Variants in OTUD7A observed in about 807,000 individuals in gnomAD.
The protein encoded by OTUD7A is OTU deubiquitinase 7A, also known as OTU domain-containing protein 7A.
Under a neutral mutation model 65.7 loss-of-function variants are expected in OTUD7A, and 12 were observed. The observed-to-expected ratio is 0.18, with a 90% CI of 0.12 to 0.30. The LOEUF is 0.30. OTUD7A is among the 10% of genes least tolerant of loss of function. The probability of loss-of-function intolerance (pLI) is 1.00; values close to 1 mark genes in which losing one functional copy is unlikely to be tolerated. For missense variants in OTUD7A, 1,148 were observed against 1,304.8 expected (o/e 0.88, Z 1.85); for synonymous variants, 641 against 586.3 (o/e 1.09, Z -1.35).
intron 3 of OTUD7A, among the ~76,000 whole-genome samples, chr15:31,598,373 G>A (rs1265865741): frequency 1.3e-5 from 2 of 152,120 alleles, no homozygotes; most frequent in African/African-American, 4.8e-5. Context: ...AGGGCAGGGC[G>A]TCGCCTCACC....
chr15:31,631,588 A>G (rs923595919), intron 3 of OTUD7A, among the ~76,000 whole-genome samples: 3 of 151,972 alleles, frequency 2.0e-5, no homozygotes, highest in Non-Finnish European at 4.4e-5. Flanking sequence ...CTTCTCGAGG[A>G]GTATCTTTGT....
intron 3 of OTUD7A, among the ~76,000 whole-genome samples, chr15:31,641,565 C>A (rs181196664): frequency 1.3e-5 from 2 of 152,086 alleles, no homozygotes; most frequent in Admixed American, 6.5e-5. Context: ...GTCTTTTGAC[C>A]CATGGATATG....
At chr15:31,865,730 T>C (rs2141021841) in intron 1 of OTUD7A, among the ~76,000 whole-genome samples, 2 of 152,278 alleles carry the variant, frequency 1.3e-5, no homozygotes, top group Admixed American at 1.3e-4. Context: ...TAAACCTTTG[T>C]CTCAGTAACT....
At chr15:31,869,762 C>G (rs1897975522) in intron 1 of OTUD7A, among the ~76,000 whole-genome samples, 2 of 152,286 alleles carry the variant, frequency 1.3e-5, no homozygotes, top group Admixed American at 1.3e-4. Context: ...ATAGCTTCAC[C>G]GGGAGGGAGG....
At chr15:31,667,940 T>C (rs1161579088) in intron 1 of OTUD7A, among the ~76,000 whole-genome samples, 1 of 152,170 alleles carries the variant, frequency 6.6e-6, no homozygotes, top group Non-Finnish European at 1.5e-5. Context: ...TAGCTGAAAA[T>C]GGTTTCATTT....
intron 1 of OTUD7A, among the ~76,000 whole-genome samples, chr15:31,794,850 C>T (rs1422054841): frequency 6.6e-6 from 1 of 151,860 alleles, no homozygotes; most frequent in Non-Finnish European, 1.5e-5. Flanking sequence ...TACAATCAAC[C>T]CAGATATATG....
At chr15:31,605,239 G>T (rs183114139) in intron 3 of OTUD7A, among the ~76,000 whole-genome samples, 2 of 152,250 alleles carry the variant, frequency 1.3e-5, no homozygotes, top group Admixed American at 6.5e-5. Flanking sequence ...TGTGTGGCAG[G>T]TGTGTGTTGG....
At chr15:31,824,865 A>G (rs1359272118) in intron 1 of OTUD7A, among the ~76,000 whole-genome samples, 2 of 152,188 alleles carry the variant, frequency 1.3e-5, no homozygotes, top group Admixed American at 6.5e-5. Context: ...TTGATATTCA[A>G]TAGTTTTATT....
chr15:31,569,156 CAT>C (rs565558920), intron 4 of OTUD7A, among the ~76,000 whole-genome samples: 43 of 152,304 alleles, frequency 2.8e-4, no homozygotes, highest in African/African-American at 8.7e-4. Context: ...TAGAAACACA[CAT>C]GTGTTGGCAC....
chr15:31,515,084 G>C (rs1017396156), intron 8 of OTUD7A, among the ~76,000 whole-genome samples: 1 of 152,192 alleles, frequency 6.6e-6, no homozygotes, highest in East Asian at 1.9e-4. Flanking sequence ...ATAATGAACA[G>C]CACAGGGGGA....
At chr15:31,642,101 T>C (rs1356846779) in intron 3 of OTUD7A, among the ~76,000 whole-genome samples, 1 of 141,320 alleles carries the variant, frequency 7.1e-6, no homozygotes, top group Non-Finnish European at 1.6e-5. Context: ...CCTAGTTTTC[T>C]GAGTGTTTTC....
At chr15:31,840,450 A>T (rs1432164269) in intron 1 of OTUD7A, among the ~76,000 whole-genome samples, 1 of 151,200 alleles carries the variant, frequency 6.6e-6, no homozygotes, top group Non-Finnish European at 1.5e-5. Context: ...AAATTAAAAA[A>T]TAAAAATAAA....
rs139934322 is a variant in OTUD7A, at chr15:31,528,916, T to A, written c.653-1608A>T. Among the ~76,000 whole-genome samples, 725 of 152,314 alleles carry A rather than the reference T, an allele frequency of 4.8e-3. 11 individuals are homozygous for A. The highest frequency in any genetic ancestry group is 8.0e-3 in the Non-Finnish European group (547 of 68,012). Reference sequence around the variant, plus strand: ...GATAAGAGGACAGATTGCTATGAGCTCTGGGCTTATTGTTGTACAGGGGAT... The same window carrying A: ...GATAAGAGGACAGATTGCTATGAGCACTGGGCTTATTGTTGTACAGGGGAT... On this transcript the variant is annotated intron_variant, in intron 6 of 12. Coordinates refer to ENST00000307050, the MANE Select transcript of OTUD7A (RefSeq NM_001382637.1).
At chr15:31,675,685 A>G (rs2141300112) in intron 1 of OTUD7A, among the ~76,000 whole-genome samples, 1 of 152,362 alleles carries the variant, frequency 6.6e-6, no homozygotes, top group South Asian at 2.1e-4. Flanking sequence ...TGGCTGGAAC[A>G]AGATCAACAT....
chr15:31,559,256 C>A (rs755041820), intron 4 of OTUD7A, 69 bp from the exon 5 acceptor site: 207 of 1,412,110 alleles, frequency 1.5e-4, no homozygotes, highest in Non-Finnish European at 1.9e-4. Context: ...TGTACATAAA[C>A]ACACATACTA....
chr15:31,590,491 ATCAT>A (rs1484962663), intron 3 of OTUD7A, among the ~76,000 whole-genome samples: 4 of 152,178 alleles, frequency 2.6e-5, no homozygotes, highest in Non-Finnish European at 5.9e-5. Context: ...CACATATATC[ATCAT>A]TCATCACGTG....
At chr15:31,807,914 T>C (rs2140956696) in intron 1 of OTUD7A, among the ~76,000 whole-genome samples, 1 of 151,978 alleles carries the variant, frequency 6.6e-6, no homozygotes, top group Middle Eastern at 3.4e-3. Flanking sequence ...CTGTTACCAA[T>C]ATGCTGTTTC....
intron 8 of OTUD7A, among the ~76,000 whole-genome samples, chr15:31,507,531 C>G (rs879798413): frequency 2.0e-5 from 3 of 152,046 alleles, no homozygotes; most frequent in Admixed American, 6.5e-5. Flanking sequence ...AAGTGTGGCA[C>G]GGACCCAAAG....
At chr15:31,778,475 C>G (rs1895447668) in intron 1 of OTUD7A, among the ~76,000 whole-genome samples, 1 of 152,204 alleles carries the variant, frequency 6.6e-6, no homozygotes, top group African/African-American at 2.4e-5. Context: ...CGAAATAGCA[C>G]ATGCTCTAGT....
Sources: allele counts gnomAD v4.1 joint callset (sites outside exome capture counted in the v4.1 genomes callset), GRCh38; gene constraint gnomAD v4.1.1; transcripts MANE v1.5; gene names NCBI Gene and HGNC (gene_info 2026-07-23, HGNC 2026-07-21).